The following SSH2 variants were observed in gnomAD, a reference collection of about 807,000 sequenced individuals.
SSH2 encodes the protein protein phosphatase Slingshot homolog 2.
In SSH2, 37 loss-of-function variants were observed where a neutral mutation model predicts 135.2. The observed-to-expected ratio is 0.27, with a 90% confidence interval of 0.21 to 0.36. The LOEUF is 0.36. Ranked by LOEUF, SSH2 falls within the 10% of genes least tolerant of loss-of-function variation. SSH2 has a pLI of 1.00. For missense variants in SSH2, 1,408 were observed against 1,765.3 expected (o/e 0.80, Z 3.63); for synonymous variants, 628 against 646.2 (o/e 0.97, Z 0.43).
intron 3 of SSH2, among the ~76,000 whole-genome samples, chr17:29,738,377 G>A (rs986536033): frequency 5.3e-5 from 8 of 151,992 alleles, no homozygotes; most frequent in Non-Finnish European, 7.4e-5. Context: ...GAATAGTGCC[G>A]CAATAAACAT....
chr17:29,710,211 T>A (rs549462837), intron 3 of SSH2, among the ~76,000 whole-genome samples: 1 of 152,308 alleles, frequency 6.6e-6, no homozygotes, highest in African/African-American at 2.4e-5. Flanking sequence ...CATGCACACA[T>A]ATAAGAAGAA....
At chr17:29,843,324 C>T (rs2043075274) in intron 2 of SSH2, among the ~76,000 whole-genome samples, 2 of 152,146 alleles carry the variant, frequency 1.3e-5, no homozygotes, top group African/African-American at 2.4e-5. Flanking sequence ...CACTTAAGGT[C>T]AGGAGTTCGA....
At chr17:29,744,860 A>AGTGTGTGTGT (rs71689248) in intron 3 of SSH2, among the ~76,000 whole-genome samples, 601 of 140,528 alleles carry the variant, frequency 4.3e-3, no homozygotes, top group Middle Eastern at 7.4e-3. Context: ...GGATTACTTG[A>AGTGTGTGTGT]GTGTGTGTGT....
rs2040192356 is a variant in SSH2 at position 29,731,426 on chromosome 17, TTTATTTATTTATTTATTTATTTA to T, written c.189-28387_189-28365del. 1.3e-4 allele frequency among the ~76,000 whole-genome samples: 12 copies of T among 89,602 alleles called. No individual in the cohort carries two copies. The South Asian group carries it at 1.4e-3, about 10-fold the overall frequency. 58.8% of individuals were successfully genotyped at this position (89,602 alleles called of 152,430 possible). ...TCATAGCAGAAGTATTTTTTATTTA[TTTATTTATTTATTTATTTATTTA>T]TTTATTTATTTATTTATTTATTTTG... On this transcript the variant is annotated intron_variant, in intron 3 of 15. Transcript: ENST00000540801.
rs745902598 is a variant in SSH2 at position 29,631,738 on chromosome 17, C to T, written c.3456G>A (p.Leu1152=). The T allele has an allele frequency of 1.2e-6, 2 of 1,614,206 alleles. No homozygotes were observed. Among genetic ancestry groups the T allele is most frequent in the South Asian group, 2.2e-5 (2 of 91,080 alleles). Residue 1152 remains leucine, a synonymous_variant, in exon 16 of 16, where the codon CTG becomes CTA. Transcript: ENST00000540801. Reference sequence around the variant, plus strand: ...GATGCAGGTAATCCAAACTGGCAGACAGTAAATGGGTTGTATGACTGACAA... The same window carrying T: ...GATGCAGGTAATCCAAACTGGCAGATAGTAAATGGGTTGTATGACTGACAA... ...APFVSHTTHL[L]SASLDYLHPQ... is the part of the protein sequence containing the mutation.
chr17:29,692,057 T>G (rs193244595), intron 5 of SSH2, among the ~76,000 whole-genome samples: 3 of 151,388 alleles, frequency 2.0e-5, no homozygotes, highest in Admixed American at 2.0e-4. Flanking sequence ...GGAGAATCAC[T>G]TGAACTCGGG....
chr17:29,904,792 C>T (rs1037437117), intron 1 of SSH2, among the ~76,000 whole-genome samples: 1 of 152,198 alleles, frequency 6.6e-6, no homozygotes, highest in African/African-American at 2.4e-5. Context: ...TGATAAGCAA[C>T]TTCAGCAATG....
At chr17:29,832,512 C>A (rs893220482) in intron 2 of SSH2, among the ~76,000 whole-genome samples, 2 of 152,156 alleles carry the variant, frequency 1.3e-5, no homozygotes, top group Admixed American at 6.5e-5. Flanking sequence ...TTTAAAATTT[C>A]TTTCTTAACT....
At chr17:29,709,832 G>T (rs1425053871) in intron 3 of SSH2, among the ~76,000 whole-genome samples, 3 of 152,172 alleles carry the variant, frequency 2.0e-5, no homozygotes, top group Admixed American at 6.5e-5. Flanking sequence ...AATCCAGCTG[G>T]GCTGGACAGT....
intron 3 of SSH2, among the ~76,000 whole-genome samples, chr17:29,766,977 T>TA (rs1487524188): frequency 5.3e-5 from 8 of 152,174 alleles, no homozygotes; most frequent in Admixed American, 3.9e-4. Context: ...CAAAGGCACT[T>TA]AAAAGCAATC....
intron 1 of SSH2, among the ~76,000 whole-genome samples, chr17:29,878,718 G>A (rs4294865): frequency 0.42 from 63,317 of 151,960 alleles, 15,177 homozygotes; most frequent in East Asian, 0.69. Context: ...ACTAGTCATA[G>A]TATTACCATA....
At chr17:29,802,542 G>C (rs1384323314) in intron 2 of SSH2, among the ~76,000 whole-genome samples, 2 of 146,472 alleles carry the variant, frequency 1.4e-5, no homozygotes, top group Non-Finnish European at 1.5e-5. Context: ...CAGCACTTTG[G>C]AAGTCCAAGG....
chr17:29,714,086 T>A (rs1231378773), intron 3 of SSH2, among the ~76,000 whole-genome samples: 1 of 152,114 alleles, frequency 6.6e-6, no homozygotes, highest in Non-Finnish European at 1.5e-5. Flanking sequence ...AGCCCTAAAT[T>A]CTAGATGTAA....
chr17:29,821,868 T>C (rs2042658345), intron 2 of SSH2, among the ~76,000 whole-genome samples: 1 of 152,062 alleles, frequency 6.6e-6, no homozygotes, highest in South Asian at 2.1e-4. Context: ...CTGGTCTCGA[T>C]CTCTTGCTCT....
intron 2 of SSH2, among the ~76,000 whole-genome samples, chr17:29,830,598 T>A (rs1288155185): frequency 6.6e-6 from 1 of 152,230 alleles, no homozygotes; most frequent in African/African-American, 2.4e-5. Context: ...GTTTATCACA[T>A]GCACCACCAT....
chr17:29,788,983 G>A (rs2042018224), intron 3 of SSH2, among the ~76,000 whole-genome samples: 1 of 152,226 alleles, frequency 6.6e-6, no homozygotes, highest in African/African-American at 2.4e-5. Flanking sequence ...CGAAGGCTCA[G>A]ATGGAAACAA....
At chr17:29,766,173 C>T (rs1239358275) in intron 3 of SSH2, among the ~76,000 whole-genome samples, 1 of 150,056 alleles carries the variant, frequency 6.7e-6, no homozygotes, top group Non-Finnish European at 1.5e-5. Context: ...CTTTCATTAC[C>T]CTGAAGTTGA....
chr17:29,677,353 G>A (rs560296835), intron 7 of SSH2, among the ~76,000 whole-genome samples: 2 of 152,296 alleles, frequency 1.3e-5, no homozygotes, highest in Admixed American at 6.5e-5. Context: ...GAGGCAGCAA[G>A]AGGTTATTTG....
rs1408449550 is a variant in SSH2, at chr17:29,848,937, A to G, written c.64-8T>C. The G allele has an allele frequency of 1.3e-6, 2 of 1,525,530 alleles. No individual in the cohort carries two copies. Among genetic ancestry groups the G allele is most frequent in the East Asian group, 2.4e-5 (1 of 40,836 alleles). The allele number at this position is 1,525,530 out of a possible 1,614,324, so 94.5% of individuals were successfully genotyped here. Reference sequence around the variant, plus strand: ...GTCTTCCAAATGAGAGCTCTGTAATACAAACAAGATCATTTCAGAGATCCA... The same window carrying G: ...GTCTTCCAAATGAGAGCTCTGTAATGCAAACAAGATCATTTCAGAGATCCA... On this transcript the variant is annotated splice_polypyrimidine_tract_variant and splice_region_variant and intron_variant, in intron 1 of 15. Coordinates refer to ENST00000540801, the MANE Select transcript of SSH2 (RefSeq NM_001282129.2).
Sources: gnomAD v4.1 joint callset for allele counts (sites outside exome capture counted in the v4.1 genomes callset) on GRCh38, gnomAD v4.1.1 for gene constraint, MANE v1.5 for transcripts, NCBI Gene and HGNC (gene_info 2026-07-23, HGNC 2026-07-21) for gene names.